Variants in KCTD1 observed in about 807,000 individuals in gnomAD.
KCTD1 encodes the protein BTB/POZ domain-containing protein KCTD1.
KCTD1 carries 24 observed loss-of-function variants against 66.0 expected under a neutral mutation model. The observed-to-expected ratio is 0.36, with a 90% CI of 0.26 to 0.51. The LOEUF (loss-of-function observed/expected upper bound fraction) is 0.51, where lower values mean the gene tolerates loss of function less well. Among genes scored for constraint, KCTD1 ranks in the 20% least tolerant of loss-of-function variants. The pLI is 0.95. For synonymous variants in KCTD1, 511 were observed against 517.2 expected, an observed-to-expected ratio of 0.99 and a Z score of 0.16; for missense variants, 943 against 1,205.2, an observed-to-expected ratio of 0.78 and a Z score of 3.22.
chr18:26,657,453 C>G (rs1011695352), upstream of KCTD1: 6 of 918,910 alleles, frequency 6.5e-6, no homozygotes, highest in Middle Eastern at 5.6e-4. Flanking sequence ...CTGCTCGGCT[C>G]GCCACACCAG....
intron 2 of KCTD1, among the ~76,000 whole-genome samples, chr18:26,498,941 T>C (rs1254007942): frequency 6.6e-6 from 1 of 152,200 alleles, no homozygotes; most frequent in Non-Finnish European, 1.5e-5. Context: ...CCTCTCTCCC[T>C]CTGTCTTCTA....
intron 1 of KCTD1, among the ~76,000 whole-genome samples, chr18:26,502,195 G>A (rs547784107): frequency 1.1e-4 from 16 of 152,248 alleles, no homozygotes; most frequent in South Asian, 4.2e-4. Context: ...GACTACAGGC[G>A]TCCGCCACCA....
At chr18:26,576,736 T>A (rs1567998692) in intron 1 of KCTD1, among the ~76,000 whole-genome samples, 1 of 152,260 alleles carries the variant, frequency 6.6e-6, no homozygotes. Flanking sequence ...ATTTGTTCTG[T>A]CTTGACATTT....
chr18:26,513,090 ATTT>A (rs571957643), intron 1 of KCTD1, among the ~76,000 whole-genome samples: 2 of 140,248 alleles, frequency 1.4e-5, no homozygotes, highest in Admixed American at 7.1e-5. Flanking sequence ...TCCAGGGTGT[ATTT>A]TTTTTTTTTT....
At chr18:26,642,899 G>T (rs187578128), upstream of KCTD1, among the ~76,000 whole-genome samples, 362 of 150,948 alleles carry the variant, frequency 2.4e-3, 1 homozygote, top group Middle Eastern at 0.01. Flanking sequence ...AGGGCGGAAG[G>T]TGTGAGAAGC....
intron 1 of KCTD1, among the ~76,000 whole-genome samples, chr18:26,627,287 T>C (rs1987523018): frequency 6.6e-6 from 1 of 151,910 alleles, no homozygotes; most frequent in Non-Finnish European, 1.5e-5. Flanking sequence ...TGTGTGTGTG[T>C]GTGTGTGTGT....
At chr18:26,595,211 A>T (rs1044533476) in intron 1 of KCTD1, among the ~76,000 whole-genome samples, 3 of 152,082 alleles carry the variant, frequency 2.0e-5, no homozygotes, top group African/African-American at 7.2e-5. Flanking sequence ...ACTACCCCCT[A>T]CCCCATTCCT....
At chr18:26,492,746 A>G (rs1982272300) in intron 2 of KCTD1, among the ~76,000 whole-genome samples, 1 of 152,130 alleles carries the variant, frequency 6.6e-6, no homozygotes, top group Non-Finnish European at 1.5e-5. Flanking sequence ...CCCAAAGAAC[A>G]CTGACTCTTA....
At chr18:26,462,049 T>A (rs1411093024) in intron 3 of KCTD1, among the ~76,000 whole-genome samples, 1 of 152,154 alleles carries the variant, frequency 6.6e-6, no homozygotes, top group African/African-American at 2.4e-5. Flanking sequence ...GGACTTGGGG[T>A]TAGAAGTCCT....
chr18:26,549,765 G>T (rs567723766), upstream of KCTD1: 6 of 985,330 alleles, frequency 6.1e-6, no homozygotes, highest in Non-Finnish European at 7.2e-6. Context: ...CGCCCTCCGG[G>T]CTGCGCTGCC....
intron 1 of KCTD1, among the ~76,000 whole-genome samples, chr18:26,605,390 T>C (rs970742062): frequency 2.6e-5 from 4 of 152,340 alleles, no homozygotes; most frequent in African/African-American, 9.6e-5. Flanking sequence ...ACACAAGTCC[T>C]TATAGCTTCT....
intron 1 of KCTD1, among the ~76,000 whole-genome samples, chr18:26,635,218 C>T (rs191429929): frequency 2.1e-3 from 321 of 152,178 alleles, no homozygotes; most frequent in African/African-American, 6.9e-3. Context: ...TTGTCTCTAC[C>T]GTTTGGCCAC....
At chr18:26,507,020 G>T (rs1477581567) in intron 1 of KCTD1, among the ~76,000 whole-genome samples, 1 of 152,154 alleles carries the variant, frequency 6.6e-6, no homozygotes, top group African/African-American at 2.4e-5. Context: ...ACAAAAATTA[G>T]CCAGGTGTGG....
chr18:26,519,785 G>A (rs551357838), intron 1 of KCTD1, among the ~76,000 whole-genome samples: 6 of 152,310 alleles, frequency 3.9e-5, no homozygotes, highest in African/African-American at 9.6e-5. Flanking sequence ...AGAGAAAGAC[G>A]GGAGGAGGTA....
intron 1 of KCTD1, among the ~76,000 whole-genome samples, chr18:26,651,783 CAAAA>C (rs397858862): frequency 1.3e-5 from 1 of 75,256 alleles, no homozygotes; most frequent in African/African-American, 4.8e-5. Context: ...AACTCGGTCT[CAAAA>C]AAAAAAAAAA....
At chr18:26,486,317 T>C (rs944144573) in intron 2 of KCTD1, among the ~76,000 whole-genome samples, 1 of 152,196 alleles carries the variant, frequency 6.6e-6, no homozygotes, top group African/African-American at 2.4e-5. Context: ...AGCTACGCAG[T>C]CTATTGTCCC....
chr18:26,538,742 T>C (rs1984829517), intron 1 of KCTD1, among the ~76,000 whole-genome samples: 1 of 152,222 alleles, frequency 6.6e-6, no homozygotes, highest in South Asian at 2.1e-4. Flanking sequence ...TGTGAGATCA[T>C]TGTTATCATC....
At chr18:26,575,871 G>T (rs1289421343) in intron 1 of KCTD1, among the ~76,000 whole-genome samples, 1 of 152,218 alleles carries the variant, frequency 6.6e-6, no homozygotes, top group African/African-American at 2.4e-5. Flanking sequence ...CAGAGCCAAG[G>T]ATGAGGCTTT....
Position 26,548,110 on chromosome 18 carries a change from G to A in KCTD1, c.427C>T (p.Arg143Trp), listed in dbSNP as rs1346782374. ...TCCCCGGGCGGCCCACCGCGGGCCC[G>A]GGGCGCCAGCAGTCGCGGCGGCGCC... ...PEAPPRLLAP[R>W]ARGGPPGDGS... The change falls in exon 1 of 5, where the codon CGG becomes TGG. Residue 143 changes from arginine (R) to tryptophan (W), a missense_variant. This residue lies in a region of KCTD1 where 96 missense variants were observed against 132.5 expected (regional missense o/e 0.72). Transcript: ENST00000580059. The A allele has an allele frequency of 7.6e-6, 10 of 1,310,150 alleles. No individual in the cohort carries two copies. The highest frequency in any genetic ancestry group is 9.6e-6 in the Non-Finnish European group (10 of 1,039,050). 81.2% of individuals were successfully genotyped at this position (1,310,150 alleles called of 1,614,324 possible). A position where few individuals can be genotyped will look rare whatever the true frequency, so the allele number is the denominator to read the frequency against.
Sources: gnomAD v4.1 joint callset for allele counts (sites outside exome capture counted in the v4.1 genomes callset) on GRCh38, gnomAD v4.1.1 for gene constraint, gnomAD v4.1.1 regional missense constraint, MANE v1.5 for transcripts, NCBI Gene and HGNC (gene_info 2026-07-23, HGNC 2026-07-21) for gene names.